Variants in SLC25A12 observed in about 807,000 individuals in gnomAD.
SLC25A12 encodes the protein electrogenic aspartate/glutamate antiporter SLC25A12, mitochondrial.
SLC25A12 carries 32 observed loss-of-function variants against 83.3 expected under a neutral mutation model. The ratio of observed to expected loss-of-function variants is 0.38; its 90% confidence interval spans 0.29 to 0.52. The LOEUF (loss-of-function observed/expected upper bound fraction) is 0.52. Ranked by LOEUF, SLC25A12 falls within the 20% of genes least tolerant of loss-of-function variation. The probability of loss-of-function intolerance (pLI) is 0.84; values close to 1 mark genes in which losing one functional copy is unlikely to be tolerated. For synonymous variants in SLC25A12, 267 were observed against 291.1 expected, an observed-to-expected ratio of 0.92 and a Z score of 0.84; for missense variants, 611 against 835.6, an observed-to-expected ratio of 0.73 and a Z score of 3.31.
chr2:171,803,174 T>C (rs1574682738), intron 13 of SLC25A12, among the ~76,000 whole-genome samples: 1 of 148,474 alleles, frequency 6.7e-6, no homozygotes, highest in African/African-American at 2.5e-5. Context: ...AAGACCTAGA[T>C]GTAAAAGCTA....
intron 13 of SLC25A12, among the ~76,000 whole-genome samples, chr2:171,801,163 A>G (rs1358060512): frequency 6.6e-6 from 1 of 152,232 alleles, no homozygotes; most frequent in Non-Finnish European, 1.5e-5. Context: ...AAGAGGCAAG[A>G]AAGTCACTAT....
chr2:171,886,321 T>C (rs1448945248), intron 2 of SLC25A12, among the ~76,000 whole-genome samples: 1 of 143,344 alleles, frequency 7.0e-6, no homozygotes, highest in Non-Finnish European at 1.5e-5. Flanking sequence ...CTCAACCTCC[T>C]AGGCTTAGGT....
chr2:171,808,307 G>A (rs1295973507), intron 13 of SLC25A12, among the ~76,000 whole-genome samples: 1 of 89,534 alleles, frequency 1.1e-5, no homozygotes, highest in Non-Finnish European at 2.5e-5. Context: ...CGTTATTATT[G>A]TTTGCCAATA....
chr2:171,832,707 A>G (rs531280703), intron 8 of SLC25A12, among the ~76,000 whole-genome samples: 2 of 152,346 alleles, frequency 1.3e-5, no homozygotes, highest in South Asian at 2.1e-4. Context: ...CCTATTACCA[A>G]TGCTCATCCA....
Position 171,787,997 on chromosome 2 carries a change from T to C in SLC25A12, c.1586-50A>G, listed in dbSNP as rs552345623. 13 of 1,584,370 alleles carry C rather than the reference T, an allele frequency of 8.2e-6. No homozygotes were observed. In the African/African-American group the frequency reaches 1.2e-4, roughly 15 times the overall value. On this transcript the variant is annotated intron_variant, in intron 15 of 17. Transcript: ENST00000422440. The stretch of plus-strand genomic sequence containing the variant: ...TTTATCTAGAGTACCTTATAAAAGA[T>C]AGGAATACTGCTAACATCTACTATA...
At position 171,834,764 on chromosome 2, in the gene SLC25A12, A is replaced by G. The variant is rs1410347019; in HGVS notation, c.714T>C (p.Thr238=). The change falls in exon 7 of 18, where the codon ACT becomes ACC. Residue 238 remains threonine, a synonymous_variant. Transcript: ENST00000422440. ...NMELVRKIYS[T]LAGTRKDVEV... ...CAACATCTTTCCTTGTGCCAGCTAG[A>G]GTGCTATATATCTTACGAACAAGCT... 3.1e-6 allele frequency: 5 copies of G among 1,613,870 alleles called. No individual in the cohort carries two copies. The highest frequency in any genetic ancestry group is 3.4e-6 in the Non-Finnish European group (4 of 1,179,960).
At chr2:171,792,121 T>G (rs979175294) in intron 14 of SLC25A12, among the ~76,000 whole-genome samples, 19 of 152,038 alleles carry the variant, frequency 1.2e-4, no homozygotes, top group Non-Finnish European at 2.2e-4. Context: ...AGCGGCAGGT[T>G]TCCACAGGAG....
chr2:171,863,433 G>A (rs1247268818), intron 3 of SLC25A12, among the ~76,000 whole-genome samples: 1 of 151,806 alleles, frequency 6.6e-6, no homozygotes. Flanking sequence ...GGCTGAGGCA[G>A]GAGAATCACT....
intron 8 of SLC25A12, among the ~76,000 whole-genome samples, chr2:171,827,452 C>T (rs1684327031): frequency 6.6e-6 from 1 of 152,058 alleles, no homozygotes; most frequent in African/African-American, 2.4e-5. Context: ...GATGTAACTT[C>T]AGCCTCTGAT....
At chr2:171,867,561 A>C (rs1245685607) in intron 3 of SLC25A12, among the ~76,000 whole-genome samples, 1 of 152,172 alleles carries the variant, frequency 6.6e-6, no homozygotes, top group Non-Finnish European at 1.5e-5. Flanking sequence ...CAGTGAGCCG[A>C]GATGGCAGCA....
At chr2:171,859,363 T>A (rs998355602) in intron 3 of SLC25A12, among the ~76,000 whole-genome samples, 6 of 152,168 alleles carry the variant, frequency 3.9e-5, no homozygotes, top group African/African-American at 1.4e-4. Flanking sequence ...TCCTAGCTAC[T>A]CAGGAGGCCA....
At chr2:171,794,762 G>A (rs1683563385) in intron 13 of SLC25A12, among the ~76,000 whole-genome samples, 1 of 152,024 alleles carries the variant, frequency 6.6e-6, no homozygotes, top group Non-Finnish European at 1.5e-5. Context: ...TTTATATTAT[G>A]TAATCATAAC....
rs1293480914 is a variant in SLC25A12, at chr2:171,787,957, G to GA, written c.1586-11dup. ...GATGCAGCTGGGACACCTTTCAGGA[G>GA]AAAACCACATTTAATTTATCTAGAG... On this transcript the variant is annotated splice_polypyrimidine_tract_variant and intron_variant, in intron 15 of 17. Transcript: ENST00000422440. 4.3e-6 allele frequency: 7 copies of GA among 1,613,958 alleles called. No individual in the cohort carries two copies. Among genetic ancestry groups the GA allele is most frequent in the Admixed American group, 3.3e-5 (2 of 60,000 alleles).
rs1304742896 is a variant in SLC25A12 at position 171,834,869 on chromosome 2, G to C, written c.613-4C>G. 1 of 1,613,230 alleles carries C rather than the reference G, an allele frequency of 6.2e-7. No homozygotes were observed. The highest frequency in any genetic ancestry group is 8.5e-7 in the Non-Finnish European group (1 of 1,179,680). ...GTGAGATACTTCCTCCAGCTGCCTA[G>C]AAAATGACAACACAAAAAGTTTAAA... On this transcript the variant is annotated splice_region_variant and splice_polypyrimidine_tract_variant and intron_variant, in intron 6 of 17. Coordinates refer to ENST00000422440, the MANE Select transcript of SLC25A12 (RefSeq NM_003705.5).
chr2:171,852,180 T>A (rs1329408289), intron 4 of SLC25A12, among the ~76,000 whole-genome samples: 1 of 152,232 alleles, frequency 6.6e-6, no homozygotes, highest in African/African-American at 2.4e-5. Context: ...GTTTTCACGT[T>A]CTGAAATGGA....
intron 9 of SLC25A12, among the ~76,000 whole-genome samples, chr2:171,823,667 C>CTT (rs1393733646): frequency 1.3e-5 from 2 of 152,168 alleles, no homozygotes; most frequent in Non-Finnish European, 2.9e-5. Context: ...AAACATCAAA[C>CTT]ATTTTAGCTG....
intron 12 of SLC25A12, 26 bp from the exon 13 acceptor site, chr2:171,809,712 A>G: frequency 6.4e-7 from 1 of 1,551,698 alleles, no homozygotes. Flanking sequence ...ACATCAGTTA[A>G]CCAAAATTCC....
At chr2:171,839,997 C>A (rs1437329210) in intron 5 of SLC25A12, among the ~76,000 whole-genome samples, 1 of 152,092 alleles carries the variant, frequency 6.6e-6, no homozygotes, top group Non-Finnish European at 1.5e-5. Context: ...CCAGCATAGA[C>A]CACACACAGT....
chr2:171,847,264 G>A (rs1684818043), intron 4 of SLC25A12, among the ~76,000 whole-genome samples: 1 of 152,130 alleles, frequency 6.6e-6, no homozygotes, highest in African/African-American at 2.4e-5. Context: ...ACTACCAAGT[G>A]CCTGAGACTG....
Sources: allele counts gnomAD v4.1 joint callset (sites outside exome capture counted in the v4.1 genomes callset), GRCh38; gene constraint gnomAD v4.1.1; transcripts MANE v1.5; gene names NCBI Gene and HGNC (gene_info 2026-07-23, HGNC 2026-07-21).